The following NOS1AP variants were observed in gnomAD, a reference collection of about 807,000 sequenced individuals.
The protein encoded by NOS1AP is nitric oxide synthase 1 adaptor protein.
In NOS1AP, 21 loss-of-function variants were observed where a neutral mutation model predicts 56.2. The ratio of observed to expected loss-of-function variants is 0.37; its 90% CI spans 0.26 to 0.54. The LOEUF (loss-of-function observed/expected upper bound fraction) is 0.54. Among genes scored for constraint, NOS1AP ranks in the 20% least tolerant of loss-of-function variants. The pLI is 0.84. For missense variants in NOS1AP, 522 were observed against 657.8 expected, an observed-to-expected ratio of 0.79 and a Z score of 2.26; for synonymous variants, 270 against 274.6, an observed-to-expected ratio of 0.98 and a Z score of 0.17.
In NOS1AP at chr1:162,369,137, A is replaced by T. The variant is rs758072730; in HGVS notation, c.*1670A>T. Reference sequence around the variant, plus strand: ...TATACATGTGTGAGGGAAAGTGTGTACATATATGTAGGATTGTAACCAGAC... The same window carrying T: ...TATACATGTGTGAGGGAAAGTGTGTTCATATATGTAGGATTGTAACCAGAC... On this transcript the variant is annotated 3_prime_UTR_variant, in exon 10 of 10. Transcript: ENST00000361897. 3 of 152,158 alleles carry T rather than the reference A, an allele frequency of 2.0e-5. No individual in the cohort carries two copies. Among genetic ancestry groups the T allele is most frequent in the Non-Finnish European group, 4.4e-5 (3 of 68,046 alleles). 9.4% of individuals were successfully genotyped at this position (152,158 alleles called of 1,614,324 possible). A position where few individuals can be genotyped will look rare whatever the true frequency, so the allele number is the denominator to read the frequency against.
intron 2 of NOS1AP, among the ~76,000 whole-genome samples, chr1:162,248,403 G>A (rs1429270168): frequency 2.0e-5 from 3 of 152,062 alleles, no homozygotes; most frequent in Non-Finnish European, 4.4e-5. Flanking sequence ...TTACCCATAT[G>A]CTTTTCTATG....
At chr1:162,074,220 A>G (rs967174964) in intron 1 of NOS1AP, among the ~76,000 whole-genome samples, 3 of 152,188 alleles carry the variant, frequency 2.0e-5, no homozygotes, top group Non-Finnish European at 4.4e-5. Context: ...TGTATCAGTT[A>G]ATGATATTTA....
At chr1:162,105,143 A>C (rs1478045412) in intron 1 of NOS1AP, among the ~76,000 whole-genome samples, 1 of 152,148 alleles carries the variant, frequency 6.6e-6, no homozygotes, top group African/African-American at 2.4e-5. Context: ...TTTAACAGTC[A>C]GGCCATTCTC....
At chr1:162,087,001 A>G (rs943987120) in intron 1 of NOS1AP, among the ~76,000 whole-genome samples, 1 of 152,206 alleles carries the variant, frequency 6.6e-6, no homozygotes, top group African/African-American at 2.4e-5. Flanking sequence ...GTATTGCCAC[A>G]GCACCATTTG....
intron 1 of NOS1AP, among the ~76,000 whole-genome samples, chr1:162,130,766 T>C (rs1279406155): frequency 7.9e-5 from 12 of 152,214 alleles, no homozygotes; most frequent in African/African-American, 2.9e-4. Context: ...AACTGCTTAG[T>C]GTGTACCCTA....
intron 1 of NOS1AP, among the ~76,000 whole-genome samples, chr1:162,123,322 G>A (rs935938391): frequency 6.6e-6 from 1 of 152,114 alleles, no homozygotes; most frequent in Admixed American, 6.5e-5. Context: ...ACAGGCATGT[G>A]CCACCACGCC....
intron 2 of NOS1AP, among the ~76,000 whole-genome samples, chr1:162,185,618 G>T (rs1455046344): frequency 6.6e-6 from 1 of 152,146 alleles, no homozygotes; most frequent in Non-Finnish European, 1.5e-5. Flanking sequence ...GATTGCATAG[G>T]CTTCTACCTC....
At chr1:162,245,500 C>T (rs1653633323) in intron 2 of NOS1AP, among the ~76,000 whole-genome samples, 1 of 152,178 alleles carries the variant, frequency 6.6e-6, no homozygotes, top group Non-Finnish European at 1.5e-5. Flanking sequence ...ATACACCTAC[C>T]ATATGATCCA....
At chr1:162,339,503 T>G (rs61808536) in intron 5 of NOS1AP, among the ~76,000 whole-genome samples, 4,298 of 152,272 alleles carry the variant, frequency 0.028, 88 homozygotes, top group Non-Finnish European at 0.044. Flanking sequence ...TGTACCTCAC[T>G]GCCTTCAATC....
At chr1:162,174,359 T>C (rs1391998577) in intron 2 of NOS1AP, among the ~76,000 whole-genome samples, 2 of 127,886 alleles carry the variant, frequency 1.6e-5, no homozygotes, top group Non-Finnish European at 3.1e-5. Context: ...AATTGAAGAA[T>C]GAGAACACAT....
At chr1:162,223,138 T>C (rs1284972733) in intron 2 of NOS1AP, among the ~76,000 whole-genome samples, 1 of 152,210 alleles carries the variant, frequency 6.6e-6, no homozygotes, top group African/African-American at 2.4e-5. Context: ...CTAAGACAGT[T>C]GAGATTATTC....
chr1:162,240,178 T>G (rs577736335), intron 2 of NOS1AP, among the ~76,000 whole-genome samples: 128 of 152,132 alleles, frequency 8.4e-4, no homozygotes, highest in Non-Finnish European at 1.6e-3. Flanking sequence ...GCCAGCTGAC[T>G]GAACAGAGGG....
intron 1 of NOS1AP, among the ~76,000 whole-genome samples, chr1:162,115,438 G>A (rs1647904787): frequency 6.6e-6 from 1 of 151,914 alleles, no homozygotes; most frequent in Non-Finnish European, 1.5e-5. Flanking sequence ...GTGATGTTTG[G>A]GTTCCAGGCC....
At chr1:162,168,945 G>T (rs1253788239) in intron 2 of NOS1AP, among the ~76,000 whole-genome samples, 1 of 152,226 alleles carries the variant, frequency 6.6e-6, no homozygotes, top group Non-Finnish European at 1.5e-5. Context: ...GGTTGGGTTG[G>T]CTCTGCCTGG....
At chr1:162,314,244 G>GA (rs1656155359) in intron 4 of NOS1AP, among the ~76,000 whole-genome samples, 1 of 152,338 alleles carries the variant, frequency 6.6e-6, no homozygotes, top group African/African-American at 2.4e-5. Flanking sequence ...GCAGGAAACT[G>GA]AAAATAGCTA....
intron 2 of NOS1AP, 105 bp from the exon 3 acceptor site, chr1:162,287,236 CCCA>C (rs1655117718): frequency 1.3e-6 from 1 of 779,478 alleles, no homozygotes; most frequent in South Asian, 1.5e-5. Context: ...GGAGCTATTC[CCCA>C]CACCTGTCTG....
intron 2 of NOS1AP, among the ~76,000 whole-genome samples, chr1:162,205,872 T>C (rs1652145795): frequency 1.3e-5 from 2 of 152,178 alleles, no homozygotes; most frequent in Non-Finnish European, 2.9e-5. Context: ...TATCTGGCCT[T>C]ACACAGAAAA....
intron 2 of NOS1AP, among the ~76,000 whole-genome samples, chr1:162,273,303 A>T (rs1197112150): frequency 6.6e-6 from 1 of 151,476 alleles, no homozygotes; most frequent in African/African-American, 2.4e-5. Context: ...AGCTGGGACT[A>T]CAGGCGCCCG....
intron 2 of NOS1AP, among the ~76,000 whole-genome samples, chr1:162,209,378 AG>A: frequency 6.6e-6 from 1 of 152,306 alleles, no homozygotes; most frequent in African/African-American, 2.4e-5. Context: ...GCATGTAGAT[AG>A]AAGGGCGATA....
Sources: gnomAD v4.1 joint callset for allele counts (sites outside exome capture counted in the v4.1 genomes callset) on GRCh38, gnomAD v4.1.1 for gene constraint, MANE v1.5 for transcripts, NCBI Gene and HGNC (gene_info 2026-07-23, HGNC 2026-07-21) for gene names.